Variants in SCAPER observed in about 807,000 individuals in gnomAD.
The protein encoded by SCAPER is S-phase cyclin A associated protein in the ER.
Under a neutral mutation model 182.2 loss-of-function variants are expected in SCAPER, and 98 were observed. That is an observed-to-expected ratio of 0.54 (90% CI 0.46 to 0.64). SCAPER has a LOEUF of 0.64. SCAPER is among the 30% of genes least tolerant of loss of function. The pLI, the probability that SCAPER is intolerant of heterozygous loss-of-function variation, is 0.00. For missense variants in SCAPER, 1,432 were observed against 1,690.0 expected, an observed-to-expected ratio of 0.85 and a Z score of 2.68; for synonymous variants, 605 against 564.6, an observed-to-expected ratio of 1.07 and a Z score of -1.01.
chr15:76,384,157 C>T (rs2043145479), intron 27 of SCAPER, among the ~76,000 whole-genome samples: 1 of 152,102 alleles, frequency 6.6e-6, no homozygotes, highest in African/African-American at 2.4e-5. Context: ...CCTTTTAGAA[C>T]CAGTGACAAG....
At chr15:76,727,712 C>G (rs958013371) in intron 17 of SCAPER, among the ~76,000 whole-genome samples, 1 of 151,840 alleles carries the variant, frequency 6.6e-6, no homozygotes, top group African/African-American at 2.4e-5. Context: ...TTCAGTTCTA[C>G]TAAACTGCAA....
At chr15:76,748,367 T>C (rs2061919808) in intron 15 of SCAPER, among the ~76,000 whole-genome samples, 1 of 152,098 alleles carries the variant, frequency 6.6e-6, no homozygotes, top group Non-Finnish European at 1.5e-5. Flanking sequence ...ACTCAAAATG[T>C]CTTTACAATT....
At chr15:76,511,436 T>C (rs1321218742) in intron 23 of SCAPER, among the ~76,000 whole-genome samples, 1 of 152,082 alleles carries the variant, frequency 6.6e-6, no homozygotes, top group African/African-American at 2.4e-5. Flanking sequence ...ACTGAAGAAA[T>C]ACCCTAAAGA....
chr15:76,782,848 G>A (rs570834559), intron 8 of SCAPER, among the ~76,000 whole-genome samples: 24 of 152,058 alleles, frequency 1.6e-4, no homozygotes, highest in Middle Eastern at 3.4e-3. Context: ...ACAAAGACAC[G>A]ACGTACCAGA....
intron 25 of SCAPER, among the ~76,000 whole-genome samples, chr15:76,463,312 G>T (rs530225095): frequency 6.6e-6 from 1 of 152,140 alleles, no homozygotes; most frequent in African/African-American, 2.4e-5. Context: ...GTGGTGAATG[G>T]AGAGTTCCAG....
rs762831868 is a variant in SCAPER, at chr15:76,701,161, C to G, written c.2508+597G>C. Among the ~76,000 whole-genome samples, 63 of 150,958 alleles carry G rather than the reference C, an allele frequency of 4.2e-4. 2 individuals carry two copies. Among genetic ancestry groups the G allele is most frequent in the Non-Finnish European group, 2.9e-4 (20 of 67,890 alleles). ...AAGGTACCTGCCCTCAAAGAACCCA[C>G]AATAACTTTTCCTGGACAGCTTGAG... On this transcript the variant is annotated intron_variant, in intron 20 of 31. Coordinates refer to ENST00000563290, the MANE Select transcript of SCAPER (RefSeq NM_020843.4).
intron 15 of SCAPER, among the ~76,000 whole-genome samples, chr15:76,752,883 T>C (rs2062178939): frequency 6.7e-6 from 1 of 148,220 alleles, no homozygotes; most frequent in Non-Finnish European, 1.5e-5. Flanking sequence ...TTTTACATTA[T>C]GTTTTTCCCA....
chr15:76,637,698 C>T (rs1450472140), intron 21 of SCAPER, among the ~76,000 whole-genome samples: 1 of 140,436 alleles, frequency 7.1e-6, no homozygotes, highest in Admixed American at 7.2e-5. Context: ...AGAGTGAAAC[C>T]CTATCTCTAC....
rs1263587772 is a variant in SCAPER, at chr15:76,504,902, C to G, written c.2911G>C (p.Val971Leu). ...ACTGTGTTCACATTTGTGGCTGGGACTACTGCTTGAAGGATGTGTTCAAGG... is the reference window on the plus strand; with the variant it reads ...ACTGTGTTCACATTTGTGGCTGGGAGTACTGCTTGAAGGATGTGTTCAAGG... ...TALEHILQAV[V>L]PATNVNTVLR... The change falls in exon 24 of 32, where the codon GTC becomes CTC. Residue 971 changes from valine to leucine, a missense_variant. By Grantham distance (32) the Val-to-Leu change is conservative (BLOSUM62 1). Transcript: ENST00000563290. 1 of 1,612,538 alleles carries G rather than the reference C, an allele frequency of 6.2e-7. No individual in the cohort carries two copies. Among genetic ancestry groups the G allele is most frequent in the Non-Finnish European group, 8.5e-7 (1 of 1,179,374 alleles).
intron 25 of SCAPER, among the ~76,000 whole-genome samples, chr15:76,440,690 G>A (rs1596631031): frequency 1.3e-5 from 2 of 152,160 alleles, no homozygotes; most frequent in South Asian, 4.1e-4. Flanking sequence ...TATATTGTTG[G>A]CCTCATTTCC....
At chr15:76,745,546 A>C (rs1457623432) in intron 15 of SCAPER, among the ~76,000 whole-genome samples, 1 of 152,202 alleles carries the variant, frequency 6.6e-6, no homozygotes, top group South Asian at 2.1e-4. Context: ...AAACCTGCAC[A>C]TGTACCCCAT....
intron 27 of SCAPER, among the ~76,000 whole-genome samples, 193 bp downstream of exon 27, chr15:76,404,331 G>A (rs2044671356): frequency 6.6e-6 from 1 of 152,056 alleles, no homozygotes. Flanking sequence ...AAAAAGACTG[G>A]TGAGAGTGTG....
At chr15:76,785,590 T>TGGCACTATTCACAATAGAAAAGACTTGGA in intron 8 of SCAPER, among the ~76,000 whole-genome samples, 1 of 152,212 alleles carries the variant, frequency 6.6e-6, no homozygotes, top group South Asian at 2.1e-4. Context: ...ATGTTTATTG[T>TGGCACTATTCACAATAGAAAAGACTTGGA]GGCACTATTC....
chr15:76,409,260 C>A (rs1448940728), intron 26 of SCAPER, among the ~76,000 whole-genome samples: 1 of 152,082 alleles, frequency 6.6e-6, no homozygotes, highest in Non-Finnish European at 1.5e-5. Context: ...TGCATTGTAA[C>A]TGTTAGGTTG....
At chr15:76,881,721 G>A (rs1406137405) in intron 2 of SCAPER, among the ~76,000 whole-genome samples, 2 of 152,158 alleles carry the variant, frequency 1.3e-5, no homozygotes, top group Non-Finnish European at 2.9e-5. Context: ...AGCAGGGGGT[G>A]AAGGGAAATG....
chr15:76,491,192 G>A (rs900856435), intron 24 of SCAPER, among the ~76,000 whole-genome samples: 3 of 152,126 alleles, frequency 2.0e-5, no homozygotes, highest in Non-Finnish European at 2.9e-5. Flanking sequence ...CTTTATGCCA[G>A]TACAATACTG....
chr15:76,749,161 AT>A (rs112920369), intron 15 of SCAPER, among the ~76,000 whole-genome samples: 10,201 of 152,094 alleles, frequency 0.067, 378 homozygotes, highest in Middle Eastern at 0.11. Flanking sequence ...ATAATATACT[AT>A]GAATACATAA....
At chr15:76,589,760 T>C (rs2048966715) in intron 22 of SCAPER, among the ~76,000 whole-genome samples, 2 of 152,146 alleles carry the variant, frequency 1.3e-5, no homozygotes, top group African/African-American at 2.4e-5. Context: ...CTTCTCCCTG[T>C]GGTCTTTTCC....
At chr15:76,505,509 G>A (rs2041493232) in intron 23 of SCAPER, among the ~76,000 whole-genome samples, 1 of 152,114 alleles carries the variant, frequency 6.6e-6, no homozygotes, top group Non-Finnish European at 1.5e-5. Flanking sequence ...CAACATCACT[G>A]ATCATTAGAA....
Sources: allele counts gnomAD v4.1 joint callset (sites outside exome capture counted in the v4.1 genomes callset), GRCh38; gene constraint gnomAD v4.1.1; transcripts MANE v1.5; gene names NCBI Gene and HGNC (gene_info 2026-07-23, HGNC 2026-07-21).